DCC: variants seen among roughly 807,000 people sequenced by gnomAD.
The protein encoded by DCC is DCC netrin 1 receptor.
DCC carries 58 observed loss-of-function variants against 172.5 expected under a neutral mutation model. That is an observed-to-expected ratio of 0.34 (90% CI 0.27 to 0.42). The LOEUF (loss-of-function observed/expected upper bound fraction) is 0.42, where lower values mean the gene tolerates loss of function less well. DCC is among the 10% of genes least tolerant of loss of function. The probability of loss-of-function intolerance (pLI) is 1.00; values close to 1 mark genes in which losing one functional copy is unlikely to be tolerated. For missense variants in DCC, 1,740 were observed against 1,791.0 expected, an observed-to-expected ratio of 0.97 and a Z score of 0.51; for synonymous variants, 709 against 644.5, an observed-to-expected ratio of 1.10 and a Z score of -1.52.
intron 5 of DCC, among the ~76,000 whole-genome samples, chr18:53,009,334 C>T (rs1392668584): frequency 6.6e-6 from 1 of 151,810 alleles, no homozygotes; most frequent in African/African-American, 2.4e-5. Flanking sequence ...AGGAATGTTC[C>T]TCGAAGTCCA....
intron 12 of DCC, among the ~76,000 whole-genome samples, chr18:53,268,524 A>C (rs763320087): frequency 6.6e-6 from 1 of 152,152 alleles, no homozygotes; most frequent in Non-Finnish European, 1.5e-5. Context: ...AGCTTCTCTC[A>C]AGAATGTGTC....
intron 7 of DCC, among the ~76,000 whole-genome samples, chr18:53,137,197 G>T (rs1426988375): frequency 6.6e-6 from 1 of 152,212 alleles, no homozygotes; most frequent in Non-Finnish European, 1.5e-5. Flanking sequence ...TCCAAGCACA[G>T]CTTTGCTGAA....
chr18:53,330,771 G>T (rs964017096), intron 14 of DCC, among the ~76,000 whole-genome samples: 5 of 152,146 alleles, frequency 3.3e-5, no homozygotes, highest in African/African-American at 1.2e-4. Flanking sequence ...ACACCTGCTT[G>T]TCCTTTAAAA....
At chr18:53,415,592 C>T (rs10502976) in intron 20 of DCC, among the ~76,000 whole-genome samples, 1 of 151,748 alleles carries the variant, frequency 6.6e-6, no homozygotes, top group South Asian at 2.1e-4. Context: ...CTTGTAAGTC[C>T]TCTGAAGTTG....
intron 1 of DCC, among the ~76,000 whole-genome samples, chr18:52,399,380 G>A (rs138420907): frequency 1.9e-4 from 29 of 151,890 alleles, no homozygotes; most frequent in African/African-American, 6.5e-4. Context: ...ACCATTATAA[G>A]CAGATAAGAA....
rs146093276 is a variant in DCC at position 53,455,424 on chromosome 18, C to T, written c.3393-3808C>T. Among the ~76,000 whole-genome samples the T allele has an allele frequency of 4.6e-5, 7 of 152,232 alleles. No homozygotes were observed. The East Asian group carries it at 1.2e-3, about 25-fold the overall frequency. The stretch of plus-strand genomic sequence containing the variant: ...GACACTCAACCAATGTTGGTTTTTA[C>T]TCATTCACATCCCCAGCATACTAAT... On this transcript the variant is annotated intron_variant, in intron 23 of 28. Transcript: ENST00000442544.
chr18:53,492,307 T>C (rs996525040), intron 26 of DCC, among the ~76,000 whole-genome samples: 2 of 152,196 alleles, frequency 1.3e-5, no homozygotes, highest in African/African-American at 4.8e-5. Flanking sequence ...AGAAGATCTT[T>C]AATTAGATCC....
intron 12 of DCC, among the ~76,000 whole-genome samples, chr18:53,258,322 A>C (rs546305329): frequency 1.1e-4 from 16 of 150,656 alleles, no homozygotes; most frequent in African/African-American, 3.4e-4. Flanking sequence ...AATTTTAGAT[A>C]TTTTCTGCTT....
chr18:53,068,771 C>CTGTGTGTGTGTGTG (rs74683814), intron 7 of DCC, among the ~76,000 whole-genome samples: 1,645 of 143,640 alleles, frequency 0.011, 26 homozygotes, highest in East Asian at 0.017. Flanking sequence ...ACCTTTTAGA[C>CTGTGTGTGTGTGTG]TGTGTGTGTG....
chr18:53,099,443 A>G (rs1263796911), intron 7 of DCC, among the ~76,000 whole-genome samples: 2 of 152,242 alleles, frequency 1.3e-5, no homozygotes, highest in East Asian at 3.9e-4. Flanking sequence ...CTTTACCCAC[A>G]AAGCTCTAAA....
chr18:53,513,067 T>G (rs1470698162), intron 27 of DCC, among the ~76,000 whole-genome samples: 1 of 152,112 alleles, frequency 6.6e-6, no homozygotes, highest in Non-Finnish European at 1.5e-5. Flanking sequence ...GAGAGAAAGG[T>G]CGGGTTACCC....
At chr18:53,087,915 A>G (rs1016966791) in intron 7 of DCC, among the ~76,000 whole-genome samples, 7 of 151,552 alleles carry the variant, frequency 4.6e-5, no homozygotes, top group African/African-American at 1.5e-4. Flanking sequence ...ATAGTTGTAG[A>G]TATGCGACGT....
intron 7 of DCC, among the ~76,000 whole-genome samples, chr18:53,096,599 A>C (rs949279577): frequency 6.6e-6 from 1 of 152,152 alleles, no homozygotes; most frequent in African/African-American, 2.4e-5. Flanking sequence ...AAAATAAGGC[A>C]ATTAAAGACA....
chr18:53,299,641 T>G (rs1309120210), intron 12 of DCC, among the ~76,000 whole-genome samples: 1 of 152,214 alleles, frequency 6.6e-6, no homozygotes, highest in Non-Finnish European at 1.5e-5. Context: ...TCAGCCAGAA[T>G]GGGTAAATCA....
chr18:52,766,591 G>A (rs190049789), intron 2 of DCC, among the ~76,000 whole-genome samples: 1 of 152,044 alleles, frequency 6.6e-6, no homozygotes, highest in African/African-American at 2.4e-5. Context: ...TTCCCTTGAA[G>A]TCTGGCCATC....
chr18:52,772,990 T>C (rs2037368202), intron 2 of DCC, among the ~76,000 whole-genome samples: 1 of 152,184 alleles, frequency 6.6e-6, no homozygotes, highest in Non-Finnish European at 1.5e-5. Flanking sequence ...TGGGCATAGA[T>C]CCTTGATGGC....
intron 7 of DCC, among the ~76,000 whole-genome samples, chr18:53,141,724 T>C (rs868825029): frequency 6.6e-6 from 1 of 152,232 alleles, no homozygotes; most frequent in African/African-American, 2.4e-5. Flanking sequence ...AGCTTTCTTG[T>C]GGTACATTGT....
chr18:52,511,539 T>C (rs2031440370), intron 1 of DCC, among the ~76,000 whole-genome samples: 1 of 152,094 alleles, frequency 6.6e-6, no homozygotes, highest in South Asian at 2.1e-4. Flanking sequence ...TACAGATATT[T>C]TTGAATGAGG....
At chr18:52,868,240 C>T (rs760477135) in intron 2 of DCC, among the ~76,000 whole-genome samples, 1 of 151,900 alleles carries the variant, frequency 6.6e-6, no homozygotes, top group Non-Finnish European at 1.5e-5. Flanking sequence ...AGCCTAATAG[C>T]CTTTTCATGG....
Sources: allele counts gnomAD v4.1 joint callset (sites outside exome capture counted in the v4.1 genomes callset), GRCh38; gene constraint gnomAD v4.1.1; transcripts MANE v1.5; gene names NCBI Gene and HGNC (gene_info 2026-07-23, HGNC 2026-07-21).